Variants in TRPM1 observed in about 807,000 individuals in gnomAD.
TRPM1 encodes transient receptor potential cation channel subfamily M member 1.
In TRPM1, 113 loss-of-function variants were observed where a neutral mutation model predicts 149.4. The observed-to-expected ratio is 0.76, with a 90% CI of 0.65 to 0.88. The LOEUF (loss-of-function observed/expected upper bound fraction) is 0.88. Among genes scored for constraint, TRPM1 ranks in the 40% least tolerant of loss-of-function variants. TRPM1 has a pLI of 0.00. For missense variants in TRPM1, 1,976 were observed against 2,038.7 expected (o/e 0.97, Z 0.59); for synonymous variants, 741 against 759.5 (o/e 0.98, Z 0.40).
intron 16 of TRPM1, among the ~76,000 whole-genome samples, chr15:31,043,200 TG>T (rs1274622813): frequency 6.6e-6 from 1 of 152,182 alleles, no homozygotes; most frequent in African/African-American, 2.4e-5. Context: ...TGTTTTGTTT[TG>T]TTTTGTTTTT....
intron 1 of TRPM1, among the ~76,000 whole-genome samples, chr15:31,144,966 T>C (rs1014536419): frequency 2.0e-5 from 3 of 152,188 alleles, no homozygotes; most frequent in African/African-American, 7.2e-5. Context: ...TCTGCCTGCC[T>C]CAGCCTCCCA....
chr15:31,039,524 A>T (rs1015459925), intron 18 of TRPM1, among the ~76,000 whole-genome samples: 1 of 152,196 alleles, frequency 6.6e-6, no homozygotes, highest in African/African-American at 2.4e-5. Context: ...TTGCTAGGTT[A>T]TCTGCAGATT....
chr15:31,150,277 T>A (rs2036282230), intron 1 of TRPM1, among the ~76,000 whole-genome samples: 1 of 151,270 alleles, frequency 6.6e-6, no homozygotes, highest in South Asian at 2.1e-4. Context: ...AACGGAGGAC[T>A]CTGTGATCCC....
rs1250468063 is a variant in TRPM1, at chr15:31,040,826, TTG to T, written c.2088-482_2088-481del. On this transcript the variant is annotated intron_variant, in intron 17 of 27. Coordinates refer to ENST00000256552, the MANE Select transcript of TRPM1 (RefSeq NM_001252024.2). This position sits in a 1 kb window ranked among gnomAD's most constrained non-coding sequence, Gnocchi z 4.2. Reference sequence around the variant, plus strand: ...TGGTGGGTGCCGGCTAGGTTCTTAGTTGATCTGGGTGCTGGTGGTGCCGGCAT... The same window carrying T: ...TGGTGGGTGCCGGCTAGGTTCTTAGTATCTGGGTGCTGGTGGTGCCGGCAT... Among the ~76,000 whole-genome samples, 3 of 152,110 alleles carry T rather than the reference TTG, an allele frequency of 2.0e-5. No homozygotes were observed. The highest frequency in any genetic ancestry group is 7.2e-5 in the African/African-American group (3 of 41,420).
At chr15:31,036,010 T>C (rs1310895738) in intron 20 of TRPM1, 1 of 373,290 alleles carries the variant, frequency 2.7e-6, no homozygotes, top group East Asian at 6.5e-5. Context: ...GAGTGTCTTC[T>C]ACATTCCTGG....
At chr15:31,015,283 T>C (rs923736552) in intron 27 of TRPM1, among the ~76,000 whole-genome samples, 3 of 151,412 alleles carry the variant, frequency 2.0e-5, no homozygotes, top group Non-Finnish European at 4.4e-5. Context: ...CACGGTGGCA[T>C]GCGCCTGTAA....
chr15:31,035,697 G>C, intron 20 of TRPM1, 23 bp from the exon 21 acceptor site: 4 of 1,614,176 alleles, frequency 2.5e-6, no homozygotes, highest in Non-Finnish European at 3.4e-6. Flanking sequence ...CAAGCTGTTA[G>C]CCGTGTTTGG....
At chr15:31,038,280 G>A in intron 18 of TRPM1, 114 bp from the exon 19 acceptor site, 2 of 1,218,126 alleles carry the variant, frequency 1.6e-6, no homozygotes, top group East Asian at 2.5e-5. Flanking sequence ...AGGAGCCCTG[G>A]AATGTTATCC....
chr15:31,068,975 C>G lies in TRPM1; in HGVS notation c.280-883G>C, dbSNP rs559058488. ...AAGGCAATTTGTTATAGCAGCCAAACAGACCAAGACACCCAGTTAAATTTG... is the reference window on the plus strand; with the variant it reads ...AAGGCAATTTGTTATAGCAGCCAAAGAGACCAAGACACCCAGTTAAATTTG... On this transcript the variant is annotated intron_variant, in intron 4 of 27. Coordinates refer to ENST00000256552, the MANE Select transcript of TRPM1 (RefSeq NM_001252024.2). 7.9e-5 allele frequency among the ~76,000 whole-genome samples: 12 copies of G among 152,258 alleles called. No individual in the cohort carries two copies. In the South Asian group the frequency reaches 2.5e-3, roughly 32 times the overall value.
In TRPM1 at chr15:31,076,822, C is replaced by T. The variant is rs959885675; in HGVS notation, c.83+83G>A. 63 of 1,137,130 alleles carry T rather than the reference C, an allele frequency of 5.5e-5. No individual in the cohort carries two copies. In the African/African-American group the frequency reaches 7.1e-4, roughly 13 times the overall value. The allele number at this position is 1,137,130 out of a possible 1,614,324, so 70.4% of individuals were successfully genotyped here. A position where few individuals can be genotyped will look rare whatever the true frequency, so the allele number is the denominator to read the frequency against. On this transcript the variant is annotated intron_variant, in intron 3 of 27. Transcript: ENST00000256552. ...GGATTCTGGCCACCCTTCTGGACTC[C>T]TCTTTCTGCCTCTTACAAACATGAG...
chr15:31,130,982 C>T (rs962381682), intron 1 of TRPM1, among the ~76,000 whole-genome samples: 1 of 152,162 alleles, frequency 6.6e-6, no homozygotes, highest in Non-Finnish European at 1.5e-5. Flanking sequence ...AAGGAGAATC[C>T]GTTGGGCAAC....
chr15:31,132,490 T>A (rs745652165), intron 1 of TRPM1, among the ~76,000 whole-genome samples: 21 of 152,220 alleles, frequency 1.4e-4, no homozygotes, highest in Non-Finnish European at 2.8e-4. Flanking sequence ...CTGCCTGATG[T>A]CTCTTTTGTT....
At chr15:31,079,484 C>T (rs1488649609) in intron 2 of TRPM1, among the ~76,000 whole-genome samples, 1 of 152,212 alleles carries the variant, frequency 6.6e-6, no homozygotes, top group African/African-American at 2.4e-5. Flanking sequence ...GGGCAGCTCA[C>T]GAAGGGGCAG....
chr15:31,123,862 A>G (rs1245247762), intron 1 of TRPM1, among the ~76,000 whole-genome samples: 1 of 152,064 alleles, frequency 6.6e-6, no homozygotes, highest in Non-Finnish European at 1.5e-5. Context: ...TTCAAAATGT[A>G]TGTCCACACC....
chr15:31,085,320 C>A (rs2034970598), intron 1 of TRPM1, among the ~76,000 whole-genome samples: 1 of 152,176 alleles, frequency 6.6e-6, no homozygotes, highest in African/African-American at 2.4e-5. Context: ...AATGGCACTG[C>A]TGGTTATCAT....
intron 1 of TRPM1, among the ~76,000 whole-genome samples, chr15:31,127,460 A>G (rs1423757474): frequency 6.6e-6 from 1 of 152,262 alleles, no homozygotes; most frequent in Non-Finnish European, 1.5e-5. Flanking sequence ...AAATAACACA[A>G]GAGAATTCAA....
intron 1 of TRPM1, among the ~76,000 whole-genome samples, chr15:31,152,514 C>G (rs922777187): frequency 6.6e-6 from 1 of 152,156 alleles, no homozygotes; most frequent in African/African-American, 2.4e-5. Flanking sequence ...TCCTTTCAGC[C>G]AAGGACATTC....
intron 1 of TRPM1, among the ~76,000 whole-genome samples, chr15:31,125,007 C>G (rs1356163008): frequency 7.2e-5 from 11 of 151,934 alleles, no homozygotes; most frequent in Admixed American, 1.3e-4. Flanking sequence ...AACCCCGTCT[C>G]TTTCAAAAAT....
intron 1 of TRPM1, 59 bp from the exon 2 acceptor site, chr15:31,081,497 G>T: frequency 8.7e-7 from 1 of 1,144,302 alleles, no homozygotes; most frequent in Non-Finnish European, 1.2e-6. Context: ...TTCTTGGGAA[G>T]CAAGATGAAC....
Sources: gnomAD v4.1 joint callset for allele counts (sites outside exome capture counted in the v4.1 genomes callset) on GRCh38, gnomAD v4.1.1 for gene constraint, Gnocchi (gnomAD v3.1) non-coding constraint, MANE v1.5 for transcripts, NCBI Gene and HGNC (gene_info 2026-07-23, HGNC 2026-07-21) for gene names.